PC: variants seen among roughly 807,000 people sequenced by gnomAD.
PC encodes the protein pyruvate carboxylase, mitochondrial.
Under a neutral mutation model 107.8 loss-of-function variants are expected in PC, and 46 were observed. The observed-to-expected ratio is 0.43, with a 90% CI of 0.34 to 0.55. The LOEUF (loss-of-function observed/expected upper bound fraction) is 0.55, where lower values mean the gene tolerates loss of function less well. Among genes scored for constraint, PC ranks in the 20% least tolerant of loss-of-function variants. PC has a pLI of 0.04. For synonymous variants in PC, 662 were observed against 684.7 expected (o/e 0.97, Z 0.52); for missense variants, 1,241 against 1,643.1 (o/e 0.76, Z 4.23).
chr11:66,890,512 T>C (rs1186579085), intron 3 of PC, among the ~76,000 whole-genome samples: 1 of 150,966 alleles, frequency 6.6e-6, no homozygotes, highest in Non-Finnish European at 1.5e-5. Flanking sequence ...TTTTTTTTTT[T>C]TTTTTTGAGA....
intron 3 of PC, among the ~76,000 whole-genome samples, chr11:66,937,202 T>C (rs1282046502): frequency 1.3e-5 from 2 of 152,162 alleles, no homozygotes; most frequent in Non-Finnish European, 2.9e-5. Context: ...AGGGATTAAA[T>C]TGAAAAACTG....
In PC at chr11:66,850,878, T is replaced by G. The variant is rs1227448793; in HGVS notation, c.2269A>C (p.Ser757Arg). ...LKPTACTMLV[S>R]SLRDRFPDLP... is the part of the protein sequence containing the mutation. ...TCGGGGAAGCGGTCCCGGAGGGAGC[T>G]GACCAGCATGGTGCAGGCCGTGGGC... is the stretch of plus-strand genomic sequence containing the variant. Residue 757 changes from serine (S) to arginine (R), a missense_variant, in exon 18 of 23, where the codon AGC becomes CGC. Physicochemically the swap from Ser to Arg is moderately radical, Grantham distance 110. Coordinates refer to ENST00000393960, the MANE Select transcript of PC (RefSeq NM_001040716.2). The G allele has an allele frequency of 3.1e-6, 5 of 1,610,948 alleles. No homozygotes were observed. The African/African-American group carries it at 6.7e-5, about 22-fold the overall frequency.
At chr11:66,854,394 A>G (rs751473317) in intron 12 of PC, among the ~76,000 whole-genome samples, 1 of 151,976 alleles carries the variant, frequency 6.6e-6, no homozygotes, top group African/African-American at 2.4e-5. Flanking sequence ...AAGCACACCC[A>G]TCGGCTTCAT....
At chr11:66,902,259 C>T (rs1272476234) in intron 3 of PC, among the ~76,000 whole-genome samples, 1 of 152,206 alleles carries the variant, frequency 6.6e-6, no homozygotes, top group Non-Finnish European at 1.5e-5. Flanking sequence ...TGAGCACAAA[C>T]ACTGACTGGC....
At chr11:66,878,921 G>A (rs1947082936) in intron 3 of PC, among the ~76,000 whole-genome samples, 1 of 152,184 alleles carries the variant, frequency 6.6e-6, no homozygotes, top group Non-Finnish European at 1.5e-5. Flanking sequence ...CCATGGTTTG[G>A]GCACCTCTGA....
rs746399384 is a variant in PC, at chr11:66,853,328, G to C, written c.1424C>G (p.Thr475Ser). Residue 475 changes from threonine to serine, a missense_variant, in exon 13 of 23, where the codon ACT becomes AGT. This residue lies in a region of PC where 1,143 missense variants were observed against 1,551.9 expected (regional missense o/e 0.74). Coordinates refer to ENST00000393960, the MANE Select transcript of PC (RefSeq NM_001040716.2). ...VLNNQQFLAG[T>S]VDTQFIDENP... ...CTCGTCGATGAACTGGGTGTCCACAGTGCCTGCCAGGAACTGCTGGTTGTT... is the reference window on the plus strand; with the variant it reads ...CTCGTCGATGAACTGGGTGTCCACACTGCCTGCCAGGAACTGCTGGTTGTT... 16 of 1,614,054 alleles carry C rather than the reference G, an allele frequency of 9.9e-6. No homozygotes were observed. The highest frequency in any genetic ancestry group is 1.4e-5 in the Non-Finnish European group (16 of 1,180,022).
intron 3 of PC, among the ~76,000 whole-genome samples, chr11:66,925,087 A>G (rs1381022243): frequency 6.6e-6 from 1 of 152,194 alleles, no homozygotes; most frequent in African/African-American, 2.4e-5. Flanking sequence ...GTGCTTCACA[A>G]GGTAATAGAA....
In PC at chr11:66,850,702, G is replaced by C; in HGVS notation, c.2445C>G (p.Ala815=). The C allele has an allele frequency of 6.2e-7, 1 of 1,610,792 alleles. No individual in the cohort carries two copies. Among genetic ancestry groups the C allele is most frequent in the Non-Finnish European group, 8.5e-7 (1 of 1,179,860 alleles). ...TGTCCAGGGGAGTCCCTCTGGTACA[G>C]GCCACCAGGGCCCCCATGCTGGGCT... The part of the protein sequence containing the change: ...TSQPSMGALV[A]CTRGTPLDTE... The change falls in exon 18 of 23, where the codon GCC becomes GCG. Residue 815 remains alanine, a synonymous_variant. Coordinates refer to ENST00000393960, the MANE Select transcript of PC (RefSeq NM_001040716.2).
chr11:66,917,232 C>T lies in PC; in HGVS notation c.-1+35198G>A, dbSNP rs188400559. 4.6e-3 allele frequency among the ~76,000 whole-genome samples: 704 copies of T among 151,918 alleles called. 1 individual carries two copies. The highest frequency in any genetic ancestry group is 6.3e-3 in the Admixed American group (96 of 15,242). ...GATTACAGGGGCGCGCCATCACACCCGGCTAATTTTTGTATTTTTAGTAGA... is the reference window on the plus strand; with the variant it reads ...GATTACAGGGGCGCGCCATCACACCTGGCTAATTTTTGTATTTTTAGTAGA... On this transcript the variant is annotated intron_variant, in intron 3 of 22. Transcript: ENST00000393960.
At chr11:66,939,531 A>C (rs992410489) in intron 3 of PC, among the ~76,000 whole-genome samples, 13 of 152,292 alleles carry the variant, frequency 8.5e-5, no homozygotes, top group African/African-American at 2.9e-4. Flanking sequence ...GAGGCTGGAC[A>C]CAGTGGTTCA....
chr11:66,859,230 G>A, intron 12 of PC: 1 of 1,204,332 alleles, frequency 8.3e-7, no homozygotes, highest in Non-Finnish European at 1.1e-6. Flanking sequence ...TGGACTCTTG[G>A]AGGAGCAGTG....
At chr11:66,893,235 A>C (rs1463687915) in intron 3 of PC, among the ~76,000 whole-genome samples, 1 of 152,198 alleles carries the variant, frequency 6.6e-6, no homozygotes, top group Non-Finnish European at 1.5e-5. Flanking sequence ...CACAGTGGGC[A>C]TATTTATGCC....
Position 66,871,744 on chromosome 11 carries a change from G to A in PC, c.264C>T (p.Arg88=), listed in dbSNP as rs757830976. The A allele has an allele frequency of 2.2e-5, 35 of 1,584,424 alleles. No individual in the cohort carries two copies. The highest frequency in any genetic ancestry group is 1.7e-4 in the Middle Eastern group (1 of 6,050). ...QKADEAYLIG[R]GLAPVQAYLH... ...GGTAGGCCTGCACGGGGGCCAGGCC[G>A]CGGCCGATGAGATAGGCTTCATCTG... Residue 88 remains arginine (R), a synonymous_variant, in exon 5 of 23, where the codon CGC becomes CGT. Coordinates refer to ENST00000393960, the MANE Select transcript of PC (RefSeq NM_001040716.2). The surrounding 1 kb of genome is among the most constrained non-coding windows in gnomAD (Gnocchi z 7.4).
At chr11:66,905,362 C>A (rs961575227) in intron 3 of PC, among the ~76,000 whole-genome samples, 2 of 152,268 alleles carry the variant, frequency 1.3e-5, no homozygotes, top group African/African-American at 2.4e-5. Flanking sequence ...AGAAACAGGA[C>A]CGGCTGTCCT....
chr11:66,903,771 A>T (rs71462362), intron 3 of PC, among the ~76,000 whole-genome samples: 20,288 of 74,146 alleles, frequency 0.27, 2,323 homozygotes, highest in South Asian at 0.45. Flanking sequence ...AAAAAAAAAA[A>T]AAATATATAT....
chr11:66,878,364 C>T (rs774692600), intron 3 of PC, among the ~76,000 whole-genome samples: 7 of 152,344 alleles, frequency 4.6e-5, no homozygotes, highest in African/African-American at 1.7e-4. Flanking sequence ...CTGTCCACAC[C>T]ACACTCACTC....
intron 11 of PC, among the ~76,000 whole-genome samples, chr11:66,865,977 G>A (rs1421282787): frequency 6.6e-6 from 1 of 152,152 alleles, no homozygotes; most frequent in Non-Finnish European, 1.5e-5. Flanking sequence ...GCTTCCTCCT[G>A]ACCTGGGCGC....
chr11:66,892,952 C>T (rs1387323970), intron 3 of PC, among the ~76,000 whole-genome samples: 1 of 151,790 alleles, frequency 6.6e-6, no homozygotes, highest in Non-Finnish European at 1.5e-5. Context: ...GGAGGGGAGG[C>T]AGAGAAGGAA....
chr11:66,949,095 C>A (rs1472726074), intron 3 of PC, among the ~76,000 whole-genome samples: 1 of 151,216 alleles, frequency 6.6e-6, no homozygotes, highest in African/African-American at 2.4e-5. Context: ...CGGGTTCAAG[C>A]GATTCTCCTG....
Sources: allele counts gnomAD v4.1 joint callset (sites outside exome capture counted in the v4.1 genomes callset), GRCh38; gene constraint gnomAD v4.1.1; regional missense constraint gnomAD v4.1.1; non-coding constraint Gnocchi (gnomAD v3.1); transcripts MANE v1.5; gene names NCBI Gene and HGNC (gene_info 2026-07-23, HGNC 2026-07-21).